ATP2A2: variants seen among roughly 807,000 people sequenced by gnomAD.
ATP2A2 encodes ATPase sarcoplasmic/endoplasmic reticulum Ca2+ transporting 2.
A neutral mutation model predicts 109.3 loss-of-function variants in ATP2A2; 14 were observed. The ratio of observed to expected loss-of-function variants is 0.13; its 90% CI spans 0.08 to 0.20. ATP2A2 has a LOEUF of 0.20. Ranked by LOEUF, ATP2A2 falls within the 10% of genes least tolerant of loss-of-function variation. The pLI is 1.00. For missense variants in ATP2A2, 657 were observed against 1,321.6 expected (o/e 0.50, Z 7.80); for synonymous variants, 506 against 490.9 (o/e 1.03, Z -0.41).
Position 110,348,232 on chromosome 12 carries a change from G to C in ATP2A2, c.*1762G>C, listed in dbSNP as rs923142774. ...AACCAGTGAACTCTGGGTATCGATA[G>C]GTTCGTCTTAAATAGGCCACTTCCC... On this transcript the variant is annotated 3_prime_UTR_variant, in exon 20 of 20. Transcript: ENST00000539276. The C allele has an allele frequency of 1.4e-5, 14 of 985,412 alleles. No homozygotes were observed. In the East Asian group the frequency reaches 3.4e-4, roughly 24 times the overall value. The allele number at this position is 985,412 out of a possible 1,614,324, so 61.0% of individuals were successfully genotyped here.
At chr12:110,293,281 G>T (rs906432731) in intron 4 of ATP2A2, among the ~76,000 whole-genome samples, 1 of 151,256 alleles carries the variant, frequency 6.6e-6, no homozygotes, top group African/African-American at 2.4e-5. Context: ...TCACCATCAG[G>T]CTGGTCTCAA....
chr12:110,291,946 C>T (rs1403275102), intron 3 of ATP2A2, 74 bp from the exon 4 acceptor site: 24 of 1,342,394 alleles, frequency 1.8e-5, no homozygotes, highest in Non-Finnish European at 2.2e-5. Flanking sequence ...CATGCTCGGC[C>T]AGTGCTAGCC....
chr12:110,293,426 C>G (rs931555521), intron 4 of ATP2A2, among the ~76,000 whole-genome samples: 5 of 132,388 alleles, frequency 3.8e-5, no homozygotes, highest in African/African-American at 1.5e-4. Context: ...CCGACTTTCA[C>G]TCTTGTTGCC....
rs1327626867 is a variant in ATP2A2 at position 110,281,851 on chromosome 12, G to A, written c.62G>A (p.Ser21Asn). The change falls in exon 1 of 20, where the codon AGT becomes AAT. Residue 21 changes from serine (S) to asparagine (N), a missense_variant. Around this residue, in one of 9 missense-constraint regions of ATP2A2, gnomAD observed 64 missense variants for 65.4 expected, o/e 0.98. Coordinates refer to ENST00000539276, the MANE Select transcript of ATP2A2 (RefSeq NM_170665.4). ...CTGGGCCACTTCGGCGTCAACGAGA[G>A]TACGGGGCTGAGCCTGGAACAGGTC... ...EVLGHFGVNE[S>N]TGLSLEQVKK... 6.4e-7 allele frequency: 1 copy of A among 1,573,350 alleles called. No homozygotes were observed. Among genetic ancestry groups the A allele is most frequent in the Admixed American group, 1.8e-5 (1 of 54,072 alleles).
Position 110,347,545 on chromosome 12 carries a change from A to G in ATP2A2, c.*1075A>G. 7.8e-7 allele frequency: 1 copy of G among 1,287,582 alleles called. No individual in the cohort carries two copies. The allele number at this position is 1,287,582 out of a possible 1,614,324, so 79.8% of individuals were successfully genotyped here. A position where few individuals can be genotyped will look rare whatever the true frequency, so the allele number is the denominator to read the frequency against. On this transcript the variant is annotated 3_prime_UTR_variant, in exon 20 of 20. Transcript: ENST00000539276. Reference sequence around the variant, plus strand: ...ATGCAAGTTTCTGCTGGCCTGGTATAGAGAACATAAGGGCAAGTGTGTATG... The same window carrying G: ...ATGCAAGTTTCTGCTGGCCTGGTATGGAGAACATAAGGGCAAGTGTGTATG...
At chr12:110,300,866 C>T (rs1045273573) in intron 5 of ATP2A2, among the ~76,000 whole-genome samples, 2 of 151,964 alleles carry the variant, frequency 1.3e-5, no homozygotes, top group East Asian at 1.9e-4. Context: ...GTTTACGTGA[C>T]TGGGTGTGAT....
Position 110,350,153 on chromosome 12 carries a change from CTGG to C in ATP2A2, c.*3685_*3687del. ...CCTCAGGGACAGTAAATCAGAAATGCTGGTCTTGAAACCTTGAAAAGATCAAGC... is the reference window on the plus strand; with the variant it reads ...CCTCAGGGACAGTAAATCAGAAATGCTCTTGAAACCTTGAAAAGATCAAGC... On this transcript the variant is annotated 3_prime_UTR_variant, in exon 20 of 20. Coordinates refer to ENST00000539276, the MANE Select transcript of ATP2A2 (RefSeq NM_170665.4). 1 of 1,565,134 alleles carries C rather than the reference CTGG, an allele frequency of 6.4e-7. No individual in the cohort carries two copies. The highest frequency in any genetic ancestry group is 8.7e-7 in the Non-Finnish European group (1 of 1,155,304).
At chr12:110,287,481 A>C (rs1872779563) in intron 3 of ATP2A2, among the ~76,000 whole-genome samples, 1 of 152,220 alleles carries the variant, frequency 6.6e-6, no homozygotes, top group African/African-American at 2.4e-5. Flanking sequence ...TTGATAATGT[A>C]TGTCCCAGAA....
Position 110,327,425 on chromosome 12 carries a change from G to T in ATP2A2, c.631-128G>T. On this transcript the variant is annotated intron_variant, in intron 7 of 19. Transcript: ENST00000539276. This position sits in a 1 kb window ranked among gnomAD's most constrained non-coding sequence, Gnocchi z 4.4. ...GTCACAGTTGTATGGCTGGTTGCTTGAACAGTAGCCAGTGGAAGACCTAGT... is the reference window on the plus strand; with the variant it reads ...GTCACAGTTGTATGGCTGGTTGCTTTAACAGTAGCCAGTGGAAGACCTAGT... 1 of 874,706 alleles carries T rather than the reference G, an allele frequency of 1.1e-6. No individual in the cohort carries two copies. The highest frequency in any genetic ancestry group is 1.3e-5 in the South Asian group (1 of 74,424). 54.2% of individuals were successfully genotyped at this position (874,706 alleles called of 1,614,324 possible).
At chr12:110,313,159 C>T (rs1876273550) in intron 5 of ATP2A2, among the ~76,000 whole-genome samples, 1 of 152,042 alleles carries the variant, frequency 6.6e-6, no homozygotes, top group Non-Finnish European at 1.5e-5. Context: ...GCTGGCATTT[C>T]CTTCCTGATT....
At chr12:110,300,643 CTTT>C (rs537191134) in intron 5 of ATP2A2, among the ~76,000 whole-genome samples, 9 of 131,226 alleles carry the variant, frequency 6.9e-5, no homozygotes, top group Non-Finnish European at 8.2e-5. Context: ...CATGCCCGGC[CTTT>C]TTTTTTTTTT....
chr12:110,282,468 G>A lies in ATP2A2; in HGVS notation c.119-136G>A, dbSNP rs1157480909. The A allele has an allele frequency of 4.2e-6, 5 of 1,199,846 alleles. No homozygotes were observed. In the Admixed American group the frequency reaches 7.1e-5, roughly 17 times the overall value. The allele number at this position is 1,199,846 out of a possible 1,614,324, so 74.3% of individuals were successfully genotyped here. A position where few individuals can be genotyped will look rare whatever the true frequency, so the allele number is the denominator to read the frequency against. ...AAAAAATCGGATATTCTTATAGCTA[G>A]GTCTGTGTTTTAAAGATATTGATGC... On this transcript the variant is annotated intron_variant, in intron 1 of 19. Coordinates refer to ENST00000539276, the MANE Select transcript of ATP2A2 (RefSeq NM_170665.4).
intron 5 of ATP2A2, among the ~76,000 whole-genome samples, chr12:110,312,031 T>A (rs1252441718): frequency 6.6e-6 from 1 of 151,904 alleles, no homozygotes; most frequent in Non-Finnish European, 1.5e-5. Context: ...AAATGAAAAT[T>A]TGCTGGGCAT....
chr12:110,316,506 T>C (rs1876683662), intron 5 of ATP2A2, among the ~76,000 whole-genome samples: 1 of 152,240 alleles, frequency 6.6e-6, no homozygotes, highest in Admixed American at 6.5e-5. Context: ...TAGAAGTCTT[T>C]TGCTACATGT....
rs910082056 is a variant in ATP2A2, at chr12:110,347,296, T to C, written c.*826T>C. On this transcript the variant is annotated 3_prime_UTR_variant, in exon 20 of 20. Coordinates refer to ENST00000539276, the MANE Select transcript of ATP2A2 (RefSeq NM_170665.4). ...GGCACGTCATCTAGTTTTAAAAAAA[T>C]AAAACATTTTAAATGGACAGAGAAA... 77 of 1,261,892 alleles carry C rather than the reference T, an allele frequency of 6.1e-5. No homozygotes were observed. The highest frequency in any genetic ancestry group is 7.7e-5 in the Non-Finnish European group (75 of 972,538). The allele number at this position is 1,261,892 out of a possible 1,614,324, so 78.2% of individuals were successfully genotyped here. A position where few individuals can be genotyped will look rare whatever the true frequency, so the allele number is the denominator to read the frequency against.
At chr12:110,317,334 A>G (rs1483794721) in intron 5 of ATP2A2, among the ~76,000 whole-genome samples, 1 of 152,222 alleles carries the variant, frequency 6.6e-6, no homozygotes, top group African/African-American at 2.4e-5. Flanking sequence ...GTTTGCCACA[A>G]TAAATTAGGT....
chr12:110,300,637 C>A (rs1874524414), intron 5 of ATP2A2, among the ~76,000 whole-genome samples: 1 of 148,820 alleles, frequency 6.7e-6, no homozygotes, highest in African/African-American at 2.5e-5. Flanking sequence ...AGCCACCATG[C>A]CCGGCCTTTT....
At chr12:110,344,857 T>C (rs748592901) in intron 16 of ATP2A2, 29 bp from the exon 17 acceptor site, 1 of 1,612,260 alleles carries the variant, frequency 6.2e-7, no homozygotes, top group Non-Finnish European at 8.5e-7. Context: ...CAGAGGCAAG[T>C]GCATCAGCAT....
rs1880235629 is a variant in ATP2A2, at chr12:110,349,830, T to TG, written c.*3361dup. On this transcript the variant is annotated 3_prime_UTR_variant, in exon 20 of 20. Transcript: ENST00000539276. ...CACCCTCCTTTACTGAGGAGAATGA[T>TG]GCGGAGGAGTTTCCTCTCCAGGGCT... 1.9e-6 allele frequency: 2 copies of TG among 1,045,836 alleles called. No homozygotes were observed. Among genetic ancestry groups the TG allele is most frequent in the East Asian group, 1.5e-4 (2 of 12,904 alleles). The allele number at this position is 1,045,836 out of a possible 1,614,324, so 64.8% of individuals were successfully genotyped here. A position where few individuals can be genotyped will look rare whatever the true frequency, so the allele number is the denominator to read the frequency against.
Sources: allele counts gnomAD v4.1 joint callset (sites outside exome capture counted in the v4.1 genomes callset), GRCh38; gene constraint gnomAD v4.1.1; regional missense constraint gnomAD v4.1.1; non-coding constraint Gnocchi (gnomAD v3.1); transcripts MANE v1.5; gene names NCBI Gene and HGNC (gene_info 2026-07-23, HGNC 2026-07-21).